AKR1C3: variants seen among roughly 807,000 people sequenced by gnomAD.
The protein encoded by AKR1C3 is 3-alpha hydroxysteroid dehydrogenase, type II.
Under a neutral mutation model 43.6 loss-of-function variants are expected in AKR1C3, and 48 were observed. That is an observed-to-expected ratio of 1.10 (90% CI 0.87 to 1.40). The LOEUF (loss-of-function observed/expected upper bound fraction) is 1.40. AKR1C3 is among the 40% of genes most tolerant of loss of function. The pLI is 0.00. For missense variants in AKR1C3, 482 were observed against 391.2 expected (o/e 1.23, Z -1.96); for synonymous variants, 162 against 139.6 (o/e 1.16, Z -1.13).
chr10:5,106,268 C>T (rs1298197993), intron 8 of AKR1C3, among the ~76,000 whole-genome samples: 1 of 152,062 alleles, frequency 6.6e-6, no homozygotes, highest in Non-Finnish European at 1.5e-5. Flanking sequence ...GAGCGCTTGT[C>T]CTTGATTTCC....
At chr10:5,106,434 T>C (rs1839502022) in intron 8 of AKR1C3, among the ~76,000 whole-genome samples, 1 of 152,168 alleles carries the variant, frequency 6.6e-6, no homozygotes, top group Non-Finnish European at 1.5e-5. Context: ...TCATAGACGG[T>C]CATTCATGTA....
intron 3 of AKR1C3, chr10:5,097,959 T>A: frequency 9.5e-7 from 1 of 1,050,646 alleles, no homozygotes; most frequent in South Asian, 3.3e-5. Context: ...CTGAAGCAGA[T>A]TTGGTGGAAG....
intron 7 of AKR1C3, among the ~76,000 whole-genome samples, chr10:5,104,376 C>T (rs1381322429): frequency 7.6e-5 from 5 of 65,404 alleles, no homozygotes; most frequent in African/African-American, 4.1e-4. Flanking sequence ...CATTTGCTCA[C>T]ATATCTTGAT....
intron 1 of AKR1C3, among the ~76,000 whole-genome samples, chr10:5,051,567 G>A (rs1554778920): frequency 6.6e-6 from 1 of 152,166 alleles, no homozygotes; most frequent in Admixed American, 6.5e-5. Context: ...AGAAATCACT[G>A]TGCTACCCCC....
intron 1 of AKR1C3, among the ~76,000 whole-genome samples, chr10:5,056,569 C>T (rs544375725): frequency 3.5e-4 from 54 of 152,282 alleles, no homozygotes; most frequent in African/African-American, 1.3e-3. Context: ...GAGCTTCAGG[C>T]CTTAAGGGAT....
In AKR1C3 at chr10:5,097,468, G is replaced by T; in HGVS notation, c.287G>T (p.Arg96Leu). 22 of 1,613,666 alleles carry T rather than the reference G, an allele frequency of 1.4e-5. No individual in the cohort carries two copies. Among genetic ancestry groups the T allele is most frequent in the Non-Finnish European group, 1.8e-5 (21 of 1,179,764 alleles). The change falls in exon 3 of 9, where the codon CGA becomes CTA. Residue 96 changes from arginine (R) to leucine (L), a missense_variant. Coordinates refer to ENST00000380554, the MANE Select transcript of AKR1C3 (RefSeq NM_003739.6). The stretch of plus-strand genomic sequence containing the variant: ...ACTTTTCATCGACCAGAGTTGGTCC[G>T]ACCAGCCTTGGAAAACTCACTGAAG... ...WSTFHRPELVRPALENSLKKA... is the reference protein window; with the variant it reads ...WSTFHRPELVLPALENSLKKA...
At chr10:5,079,725 G>A (rs1401692055) in intron 1 of AKR1C3, among the ~76,000 whole-genome samples, 6 of 151,716 alleles carry the variant, frequency 4.0e-5, no homozygotes, top group East Asian at 1.9e-4. Flanking sequence ...CCACCTCCCC[G>A]AGAGACCCCA....
chr10:5,081,044 T>C (rs1329408100), intron 1 of AKR1C3: 1 of 152,150 alleles, frequency 6.6e-6, no homozygotes, highest in African/African-American at 2.4e-5. Flanking sequence ...ATATAGTAAG[T>C]GCATTCTAGG....
At position 5,102,339 on chromosome 10, in the gene AKR1C3, C is replaced by G. The variant is rs964026689; in HGVS notation, c.680+129C>G. The G allele has an allele frequency of 7.5e-6, 12 of 1,594,182 alleles. No homozygotes were observed. The South Asian group carries it at 9.0e-5, about 12-fold the overall frequency. The stretch of plus-strand genomic sequence containing the variant: ...AGAGGAAAGAGAATTGCATTTCTGA[C>G]GAGATCTTGGATGATGCTGATGGTG... On this transcript the variant is annotated intron_variant, in intron 6 of 8. Coordinates refer to ENST00000380554, the MANE Select transcript of AKR1C3 (RefSeq NM_003739.6).
chr10:5,054,079 C>A (rs1026046735), intron 1 of AKR1C3, among the ~76,000 whole-genome samples: 1 of 152,164 alleles, frequency 6.6e-6, no homozygotes, highest in South Asian at 2.1e-4. Flanking sequence ...CTGTAAGCGC[C>A]GGTTGGCATC....
At chr10:5,069,174 G>C (rs1291851996) in intron 1 of AKR1C3, among the ~76,000 whole-genome samples, 1 of 152,184 alleles carries the variant, frequency 6.6e-6, no homozygotes, top group Non-Finnish European at 1.5e-5. Flanking sequence ...TTTGCACAGA[G>C]CGAAAGAGAC....
At chr10:5,062,799 A>G (rs1554780354) in intron 1 of AKR1C3, among the ~76,000 whole-genome samples, 1 of 151,574 alleles carries the variant, frequency 6.6e-6, no homozygotes, top group East Asian at 1.9e-4. Context: ...GATCTGCTAC[A>G]GGCTTATTCC....
chr10:5,072,811 G>A (rs946361857), intron 1 of AKR1C3, among the ~76,000 whole-genome samples: 2 of 152,144 alleles, frequency 1.3e-5, no homozygotes, highest in Non-Finnish European at 1.5e-5. Context: ...ATTACATGAA[G>A]ACCAGTTATC....
At chr10:5,085,551 C>G (rs1164752042) in intron 1 of AKR1C3, among the ~76,000 whole-genome samples, 1 of 151,744 alleles carries the variant, frequency 6.6e-6, no homozygotes, top group Non-Finnish European at 1.5e-5. Context: ...TTTGTTGTGT[C>G]TCTGCCAGGC....
In AKR1C3 at chr10:5,097,538, A is replaced by G. The variant is rs782153871; in HGVS notation, c.357A>G (p.Pro119=). The G allele has an allele frequency of 1.9e-6, 3 of 1,613,652 alleles. No homozygotes were observed. In the East Asian group the frequency reaches 6.7e-5, roughly 36 times the overall value. ...TTGACCTCTATCTTATTCATTCTCC[A>G]ATGTCTCTAAAGGTATGCAGTTTGT... ...DYVDLYLIHS[P]MSLKPGEELS... Residue 119 remains proline, a synonymous_variant, in exon 3 of 9, where the codon CCA becomes CCG. Transcript: ENST00000380554.
chr10:5,069,735 A>G (rs1388422448), intron 1 of AKR1C3, among the ~76,000 whole-genome samples: 1 of 152,102 alleles, frequency 6.6e-6, no homozygotes, highest in African/African-American at 2.4e-5. Context: ...TTAGCCCAGC[A>G]TGGTGGCAGG....
chr10:5,081,833 T>C (rs1838843988), intron 1 of AKR1C3: 1 of 152,186 alleles, frequency 6.6e-6, no homozygotes, highest in Non-Finnish European at 1.5e-5. Flanking sequence ...TAGCATTTGA[T>C]CACTCATCAG....
At chr10:5,090,980 G>A (rs1320189204), upstream of AKR1C3, among the ~76,000 whole-genome samples, 1 of 152,136 alleles carries the variant, frequency 6.6e-6, no homozygotes, top group Non-Finnish European at 1.5e-5. Context: ...AGTCAAGAAT[G>A]TTTTGATAGC....
At chr10:5,058,447 G>C (rs2131780733) in intron 1 of AKR1C3, among the ~76,000 whole-genome samples, 1 of 152,318 alleles carries the variant, frequency 6.6e-6, no homozygotes, top group South Asian at 2.1e-4. Flanking sequence ...TTCAGGGTTT[G>C]TGGGTCAAAT....
Sources: allele counts gnomAD v4.1 joint callset (sites outside exome capture counted in the v4.1 genomes callset), GRCh38; gene constraint gnomAD v4.1.1; transcripts MANE v1.5; gene names NCBI Gene and HGNC (gene_info 2026-07-23, HGNC 2026-07-21).